Variants in NALCN observed in about 807,000 individuals in gnomAD.
The protein encoded by NALCN is sodium leak channel, non-selective, also known as sodium leak channel NALCN.
In NALCN, 111 loss-of-function variants were observed where a neutral mutation model predicts 225.3. The ratio of observed to expected loss-of-function variants is 0.49; its 90% CI spans 0.42 to 0.58. NALCN has a LOEUF of 0.58. Ranked by LOEUF, NALCN falls within the 20% of genes least tolerant of loss-of-function variation. The pLI is 0.00. For synonymous variants in NALCN, 764 were observed against 769.0 expected (o/e 0.99, Z 0.11); for missense variants, 1,378 against 2,202.4 (o/e 0.63, Z 7.49).
intron 20 of NALCN, among the ~76,000 whole-genome samples, chr13:101,108,082 CTA>C (rs1566822058): frequency 6.8e-6 from 1 of 146,898 alleles, no homozygotes; most frequent in Non-Finnish European, 1.5e-5. Flanking sequence ...AAATATATAT[CTA>C]TATGAAATGT....
chr13:101,159,419 CG>C (rs2038056797), intron 15 of NALCN, among the ~76,000 whole-genome samples: 1 of 152,146 alleles, frequency 6.6e-6, no homozygotes, highest in Non-Finnish European at 1.5e-5. Flanking sequence ...TCGCCCCCTC[CG>C]GGTGGTTACT....
At chr13:101,344,104 C>T (rs1047913124) in intron 7 of NALCN, among the ~76,000 whole-genome samples, 1 of 152,022 alleles carries the variant, frequency 6.6e-6, no homozygotes, top group African/African-American at 2.4e-5. Flanking sequence ...AGCCTATATA[C>T]ATCTCGCCTC....
intron 30 of NALCN, among the ~76,000 whole-genome samples, chr13:101,087,107 C>G (rs1566798158): frequency 6.6e-6 from 1 of 152,070 alleles, no homozygotes; most frequent in Non-Finnish European, 1.5e-5. Context: ...AAATCAAACA[C>G]ATTGTCTTAC....
chr13:101,291,488 T>C (rs2043550008), intron 9 of NALCN, among the ~76,000 whole-genome samples: 1 of 152,214 alleles, frequency 6.6e-6, no homozygotes, highest in Non-Finnish European at 1.5e-5. Context: ...ATTACCTCAC[T>C]GCCTGGAAGC....
intron 2 of NALCN, among the ~76,000 whole-genome samples, chr13:101,395,930 C>T (rs2047278630): frequency 1.3e-5 from 2 of 152,000 alleles, no homozygotes; most frequent in South Asian, 2.1e-4. Context: ...TTTAGAATTT[C>T]CTTTCTATTT....
At chr13:101,298,539 C>T (rs572080138) in intron 7 of NALCN, among the ~76,000 whole-genome samples, 93 of 152,264 alleles carry the variant, frequency 6.1e-4, no homozygotes, top group African/African-American at 2.2e-3. Flanking sequence ...CCAGGCTGGC[C>T]TCGAACTCCT....
At chr13:101,064,239 G>A (rs750160960) in intron 40 of NALCN, among the ~76,000 whole-genome samples, 17 of 152,096 alleles carry the variant, frequency 1.1e-4, no homozygotes, top group Admixed American at 3.3e-4. Flanking sequence ...TGTTGCCTAC[G>A]TTCATCATGG....
chr13:101,265,269 T>C (rs1000958364), intron 10 of NALCN, among the ~76,000 whole-genome samples: 2 of 152,166 alleles, frequency 1.3e-5, no homozygotes, highest in African/African-American at 4.8e-5. Flanking sequence ...TACAAAATGG[T>C]ACCTGACCAT....
At chr13:101,273,175 C>T (rs2042854568) in intron 10 of NALCN, among the ~76,000 whole-genome samples, 1 of 152,178 alleles carries the variant, frequency 6.6e-6, no homozygotes. Flanking sequence ...TGTGCAGCCA[C>T]ATCTGTCAAA....
chr13:101,240,339 TTC>T (rs1024209352), intron 11 of NALCN, among the ~76,000 whole-genome samples: 29 of 150,100 alleles, frequency 1.9e-4, no homozygotes, highest in Non-Finnish European at 2.7e-4. Flanking sequence ...CTATCTTTCT[TTC>T]TCTCTCTCTC....
chr13:101,217,253 C>T (rs1158804796), intron 13 of NALCN, among the ~76,000 whole-genome samples: 5 of 152,146 alleles, frequency 3.3e-5, no homozygotes, highest in Non-Finnish European at 5.9e-5. Context: ...TGTGGTTGTT[C>T]TTGCTTATGG....
intron 34 of NALCN, among the ~76,000 whole-genome samples, chr13:101,076,196 T>G (rs1052295672): frequency 6.6e-6 from 1 of 152,198 alleles, no homozygotes; most frequent in East Asian, 1.9e-4. Context: ...TGAAATTTAT[T>G]TTACATAAAA....
chr13:101,163,381 T>G (rs2038283155), intron 15 of NALCN, among the ~76,000 whole-genome samples: 1 of 152,152 alleles, frequency 6.6e-6, no homozygotes, highest in South Asian at 2.1e-4. Flanking sequence ...AGAGAGATCA[T>G]GCTAACAAAA....
chr13:101,088,776 A>C (rs976648286), intron 30 of NALCN, among the ~76,000 whole-genome samples: 17 of 152,324 alleles, frequency 1.1e-4, no homozygotes, highest in Admixed American at 2.0e-4. Flanking sequence ...CTTTGATAGG[A>C]AACTACATTG....
At chr13:101,413,488 A>G (rs1316094314) in intron 1 of NALCN, among the ~76,000 whole-genome samples, 1 of 151,994 alleles carries the variant, frequency 6.6e-6, no homozygotes, top group Non-Finnish European at 1.5e-5. Flanking sequence ...GTATGGTGTT[A>G]TACAGCCATT....
At chr13:101,244,671 G>A (rs2041841538) in intron 11 of NALCN, among the ~76,000 whole-genome samples, 1 of 152,272 alleles carries the variant, frequency 6.6e-6, no homozygotes, top group Admixed American at 6.5e-5. Context: ...TGAAGGTATG[G>A]GTTATCCTGC....
At position 101,057,922 on chromosome 13, in the gene NALCN, T is replaced by C; in HGVS notation, c.5023+17A>G. Reference sequence around the variant, plus strand: ...TAAAATGCCTCGATCGCTGGAGAAATGCCTGGATGGACCTACCTGAGGGCA... The same window carrying C: ...TAAAATGCCTCGATCGCTGGAGAAACGCCTGGATGGACCTACCTGAGGGCA... On this transcript the variant is annotated intron_variant, in intron 43 of 43. Coordinates refer to ENST00000251127, the MANE Select transcript of NALCN (RefSeq NM_052867.4). 5 of 1,587,822 alleles carry C rather than the reference T, an allele frequency of 3.1e-6. No homozygotes were observed. The highest frequency in any genetic ancestry group is 4.3e-6 in the Non-Finnish European group (5 of 1,156,286).
chr13:101,130,845 T>C (rs2036482320), intron 17 of NALCN, among the ~76,000 whole-genome samples: 1 of 152,218 alleles, frequency 6.6e-6, no homozygotes, highest in Non-Finnish European at 1.5e-5. Flanking sequence ...CCAATATTTT[T>C]AGGTGTGTGC....
intron 13 of NALCN, among the ~76,000 whole-genome samples, chr13:101,201,261 T>C (rs2040110746): frequency 2.0e-5 from 3 of 152,228 alleles, no homozygotes; most frequent in African/African-American, 4.8e-5. Context: ...CACATGGTTG[T>C]GCAGCCATTA....
Sources: gnomAD v4.1 joint callset for allele counts (sites outside exome capture counted in the v4.1 genomes callset) on GRCh38, gnomAD v4.1.1 for gene constraint, MANE v1.5 for transcripts, NCBI Gene and HGNC (gene_info 2026-07-23, HGNC 2026-07-21) for gene names.